HHAT: variants seen among roughly 807,000 people sequenced by gnomAD.
HHAT encodes protein-cysteine N-palmitoyltransferase HHAT.
Under a neutral mutation model 70.8 loss-of-function variants are expected in HHAT, and 47 were observed. The ratio of observed to expected loss-of-function variants is 0.66; its 90% CI spans 0.53 to 0.85. The LOEUF (loss-of-function observed/expected upper bound fraction) is 0.85. HHAT is among the 40% of genes least tolerant of loss of function. HHAT has a pLI of 0.00. For synonymous variants in HHAT, 228 were observed against 247.6 expected (o/e 0.92, Z 0.74); for missense variants, 609 against 604.8 (o/e 1.01, Z -0.07).
In HHAT at chr1:210,623,495, A is replaced by G. The variant is rs539163978; in HGVS notation, c.1246-31A>G. 2.5e-6 allele frequency: 4 copies of G among 1,613,286 alleles called. No individual in the cohort carries two copies. The South Asian group carries it at 4.4e-5, about 18-fold the overall frequency. Reference sequence around the variant, plus strand: ...TAGCCCCATTTTTTCCACCCTTGTCATGAGATGCTTTCTTGCCATTTTTCC... The same window carrying G: ...TAGCCCCATTTTTTCCACCCTTGTCGTGAGATGCTTTCTTGCCATTTTTCC... On this transcript the variant is annotated intron_variant, in intron 10 of 11. Coordinates refer to ENST00000261458, the MANE Select transcript of HHAT (RefSeq NM_018194.6).
chr1:210,430,150 A>G (rs2093200943), intron 7 of HHAT, among the ~76,000 whole-genome samples: 1 of 151,894 alleles, frequency 6.6e-6, no homozygotes, highest in Non-Finnish European at 1.5e-5. Flanking sequence ...TTTGGATGCT[A>G]AAATTGTCCC....
At chr1:210,660,567 T>A (rs1677461095) in intron 11 of HHAT, among the ~76,000 whole-genome samples, 1 of 152,138 alleles carries the variant, frequency 6.6e-6, no homozygotes, top group African/African-American at 2.4e-5. Flanking sequence ...AAAACTACTT[T>A]AAAGTTCATA....
At chr1:210,663,698 T>C (rs1248253960) in intron 11 of HHAT, among the ~76,000 whole-genome samples, 6 of 152,086 alleles carry the variant, frequency 3.9e-5, no homozygotes, top group Non-Finnish European at 8.8e-5. Context: ...GTTCCCAAAG[T>C]GTGGTTCTCA....
At chr1:210,534,280 T>C (rs2095346936) in intron 9 of HHAT, among the ~76,000 whole-genome samples, 1 of 152,218 alleles carries the variant, frequency 6.6e-6, no homozygotes, top group Non-Finnish European at 1.5e-5. Context: ...ACTGCACTGC[T>C]ACCATGGTGG....
chr1:210,340,242 G>GGGGAAAAAAAAAAAAAA lies in HHAT; in HGVS notation c.-43-8691_-43-8690insGGGAAAAAAAAAAAAAA, dbSNP rs1553313987. On this transcript the variant is annotated intron_variant, in intron 1 of 11. Coordinates refer to ENST00000261458, the MANE Select transcript of HHAT (RefSeq NM_018194.6). Reference sequence around the variant, plus strand: ...GGGGATAGAGCAAGACTCTGTCTCAGAAAAAAAAAAAAAAAAAAAAAAAAA... The same window carrying GGGGAAAAAAAAAAAAAA: ...GGGGATAGAGCAAGACTCTGTCTCAGGGGAAAAAAAAAAAAAAAAAAAAAAAAAAAAAAAAAAAAAAA... 3.0e-5 allele frequency among the ~76,000 whole-genome samples: 3 copies of GGGGAAAAAAAAAAAAAA among 99,782 alleles called. 1 individual carries two copies. The highest frequency in any genetic ancestry group is 1.0e-4 in the African/African-American group (3 of 29,626). 65.5% of individuals were successfully genotyped at this position (99,782 alleles called of 152,430 possible).
At chr1:210,636,775 C>A (rs1423403195) in intron 11 of HHAT, among the ~76,000 whole-genome samples, 1 of 148,232 alleles carries the variant, frequency 6.7e-6, no homozygotes, top group African/African-American at 2.6e-5. Flanking sequence ...ATTGAAACAT[C>A]TAAGGTATGA....
At chr1:210,333,116 A>G (rs2085144138) in intron 1 of HHAT, among the ~76,000 whole-genome samples, 1 of 152,246 alleles carries the variant, frequency 6.6e-6, no homozygotes, top group Admixed American at 6.5e-5. Flanking sequence ...ATGGAAGTAC[A>G]TCAACTCACT....
chr1:210,498,919 A>C (rs1450068676), intron 8 of HHAT, among the ~76,000 whole-genome samples: 1 of 151,918 alleles, frequency 6.6e-6, no homozygotes, highest in African/African-American at 2.4e-5. Context: ...ATAGGTGCCC[A>C]TGACCGTGCC....
chr1:210,636,251 C>T (rs766881384), intron 11 of HHAT, among the ~76,000 whole-genome samples: 20 of 152,184 alleles, frequency 1.3e-4, no homozygotes, highest in Non-Finnish European at 2.5e-4. Context: ...TCTGCCAGAC[C>T]AATAGGGCTG....
At chr1:210,458,294 A>C (rs12727682) in intron 7 of HHAT, among the ~76,000 whole-genome samples, 26,015 of 152,126 alleles carry the variant, frequency 0.17, 2,408 homozygotes, top group African/African-American at 0.24. Context: ...ATGAAAGTGC[A>C]TTCATTCTTT....
intron 10 of HHAT, among the ~76,000 whole-genome samples, chr1:210,597,052 A>C (rs545030216): frequency 6.6e-6 from 1 of 152,322 alleles, no homozygotes; most frequent in Non-Finnish European, 1.5e-5. Flanking sequence ...GGGGCACCCC[A>C]TGTCCAGTAA....
intron 5 of HHAT, among the ~76,000 whole-genome samples, chr1:210,403,657 C>T (rs1485391887): frequency 6.6e-6 from 1 of 152,164 alleles, no homozygotes; most frequent in Non-Finnish European, 1.5e-5. Flanking sequence ...ATTACTTTCT[C>T]CTTTGACCCA....
intron 8 of HHAT, among the ~76,000 whole-genome samples, chr1:210,467,168 C>G (rs755988082): frequency 3.8e-4 from 58 of 152,144 alleles, no homozygotes; most frequent in Admixed American, 2.0e-4. Context: ...ACTAATTATA[C>G]TTAGAAACAC....
intron 1 of HHAT, among the ~76,000 whole-genome samples, chr1:210,329,858 C>T (rs963586174): frequency 3.9e-5 from 6 of 152,196 alleles, no homozygotes; most frequent in Non-Finnish European, 8.8e-5. Context: ...AGCGATTCTC[C>T]AGCCTTGCCT....
At chr1:210,358,052 A>G (rs2087840217) in intron 2 of HHAT, among the ~76,000 whole-genome samples, 2 of 152,166 alleles carry the variant, frequency 1.3e-5, no homozygotes, top group Non-Finnish European at 2.9e-5. Context: ...AAGACTTCTA[A>G]TAAGCCTCCC....
rs573929468 is a variant in HHAT at position 210,627,782 on chromosome 1, C to A, written c.1390+4112C>A. The stretch of plus-strand genomic sequence containing the variant: ...TTTTAATATTGAAGTTTACTTCAAG[C>A]TGCTTGAGGAATATGCATATCTAGG... On this transcript the variant is annotated intron_variant, in intron 11 of 11. Transcript: ENST00000261458. Among the ~76,000 whole-genome samples, 10 of 152,244 alleles carry A rather than the reference C, an allele frequency of 6.6e-5. No homozygotes were observed. The South Asian group carries it at 1.7e-3, about 25-fold the overall frequency.
intron 7 of HHAT, among the ~76,000 whole-genome samples, chr1:210,453,336 A>G (rs1021065875): frequency 6.6e-6 from 1 of 152,150 alleles, no homozygotes; most frequent in African/African-American, 2.4e-5. Context: ...ACCTAAAGCT[A>G]CTCTGGGATT....
intron 8 of HHAT, among the ~76,000 whole-genome samples, chr1:210,490,812 A>C (rs1264208877): frequency 1.3e-5 from 2 of 152,318 alleles, no homozygotes; most frequent in East Asian, 3.9e-4. Context: ...CTCAAGTGAA[A>C]GTTTTCTGCT....
chr1:210,441,673 G>A lies in HHAT; in HGVS notation c.857-22832G>A, dbSNP rs149380343. Among the ~76,000 whole-genome samples the A allele has an allele frequency of 1.6e-3, 245 of 152,206 alleles. 2 individuals carry two copies. Among genetic ancestry groups the A allele is most frequent in the African/African-American group, 5.7e-3 (235 of 41,528 alleles). ...ATATATTTTCGTCACCATGAAAGTGGAAATGATTGGTAGTTGGAAAAAGTA... is the reference window on the plus strand; with the variant it reads ...ATATATTTTCGTCACCATGAAAGTGAAAATGATTGGTAGTTGGAAAAAGTA... On this transcript the variant is annotated intron_variant, in intron 7 of 11. Transcript: ENST00000261458.
Sources: gnomAD v4.1 joint callset for allele counts (sites outside exome capture counted in the v4.1 genomes callset) on GRCh38, gnomAD v4.1.1 for gene constraint, MANE v1.5 for transcripts, NCBI Gene and HGNC (gene_info 2026-07-23, HGNC 2026-07-21) for gene names.